Variants in NDUFA10 observed in about 807,000 individuals in gnomAD.
NDUFA10 encodes the protein NADH:ubiquinone oxidoreductase subunit A10, also known as NADH dehydrogenase [ubiquinone] 1 alpha subcomplex subunit 10, mitochondrial.
A neutral mutation model predicts 47.8 loss-of-function variants in NDUFA10; 40 were observed. That is an observed-to-expected ratio of 0.84 (90% CI 0.65 to 1.09). The LOEUF is 1.09. NDUFA10 is among the 50% of genes least tolerant of loss of function. The pLI is 0.00. For missense variants in NDUFA10, 413 were observed against 451.1 expected (o/e 0.92, Z 0.76); for synonymous variants, 183 against 172.2 (o/e 1.06, Z -0.49).
chr2:240,017,942 A>T (rs746361495), intron 4 of NDUFA10: 3 of 1,518,326 alleles, frequency 2.0e-6, no homozygotes, highest in Non-Finnish European at 1.8e-6. Flanking sequence ...ACTGTCCACC[A>T]GGCCTATTCA....
intron 4 of NDUFA10, among the ~76,000 whole-genome samples, chr2:239,904,968 CTTA>C (rs1364501060): frequency 1.3e-5 from 2 of 152,222 alleles, no homozygotes; most frequent in African/African-American, 4.8e-5. Flanking sequence ...TCTTCCGCCT[CTTA>C]TATAGACACC....
intron 4 of NDUFA10, among the ~76,000 whole-genome samples, chr2:239,935,898 T>A (rs1044034911): frequency 6.6e-6 from 1 of 152,242 alleles, no homozygotes; most frequent in African/African-American, 2.4e-5. Flanking sequence ...ATACCCGGTC[T>A]TGACCGGGTA....
intron 9 of NDUFA10, among the ~76,000 whole-genome samples, chr2:239,975,826 G>A (rs936561603): frequency 4.6e-5 from 7 of 152,066 alleles, no homozygotes; most frequent in Non-Finnish European, 1.0e-4. Flanking sequence ...TGGATCAAGC[G>A]TCCACACTTC....
chr2:239,916,265 G>C (rs574081113), intron 4 of NDUFA10, among the ~76,000 whole-genome samples: 1 of 129,638 alleles, frequency 7.7e-6, no homozygotes, highest in Non-Finnish European at 1.6e-5. Flanking sequence ...CACACACACA[G>C]AACACACACA....
chr2:240,022,489 T>C (rs1039123335), intron 1 of NDUFA10, 149 bp from the exon 2 acceptor site: 2 of 1,250,148 alleles, frequency 1.6e-6, no homozygotes, highest in East Asian at 2.5e-5. Context: ...TGTTTAATTA[T>C]CTGTCTATCC....
chr2:240,014,013 G>T (rs528838215), intron 5 of NDUFA10: 1 of 152,286 alleles, frequency 6.6e-6, no homozygotes, highest in Non-Finnish European at 1.5e-5. Flanking sequence ...GAACCCGGGA[G>T]GCGGAGCTTG....
At position 240,020,972 on chromosome 2, in the gene NDUFA10, T is replaced by C. The variant is rs866798722; in HGVS notation, c.460+225A>G. On this transcript the variant is annotated intron_variant, in intron 3 of 9. Transcript: ENST00000252711. ...TTAAAGTAGTGCCTTGAGAATTCTA[T>C]ACAATCCATAAATCTCACTCCAGTA... 1.2e-4 allele frequency: 70 copies of C among 604,562 alleles called. No individual in the cohort carries two copies. The African/African-American group carries it at 1.2e-3, about 10-fold the overall frequency. 37.4% of individuals were successfully genotyped at this position (604,562 alleles called of 1,614,324 possible).
chr2:239,925,790 A>G (rs529684464), intron 4 of NDUFA10, among the ~76,000 whole-genome samples: 19 of 152,230 alleles, frequency 1.2e-4, no homozygotes, highest in Non-Finnish European at 1.5e-4. Flanking sequence ...TGAAATACAT[A>G]AAGAAGGTCT....
chr2:239,973,433 TA>T (rs1695380104), intron 9 of NDUFA10: 1 of 447,366 alleles, frequency 2.2e-6, no homozygotes. Flanking sequence ...ATCTCTGTTT[TA>T]AAAAATGGTA....
rs543122766 is a variant in NDUFA10 at position 239,919,942 on chromosome 2, T to C, written c.295-24628A>G. Among the ~76,000 whole-genome samples, 243 of 152,284 alleles carry C rather than the reference T, an allele frequency of 1.6e-3. 1 individual carries two copies. Among genetic ancestry groups the C allele is most frequent in the Non-Finnish European group, 1.7e-3 (117 of 68,016 alleles). Reference sequence around the variant, plus strand: ...CCCTGCCTACGCCAGTCCTTCCCCATCAGGATAGCCACGGTCCAAGGCCTG... The same window carrying C: ...CCCTGCCTACGCCAGTCCTTCCCCACCAGGATAGCCACGGTCCAAGGCCTG... On this transcript the variant is annotated intron_variant, in intron 4 of 5. Coordinates refer to the NDUFA10 transcript ENST00000419408.
chr2:239,943,966 C>T (rs1299352389), intron 4 of NDUFA10, among the ~76,000 whole-genome samples: 1 of 152,160 alleles, frequency 6.6e-6, no homozygotes, highest in Non-Finnish European at 1.5e-5. Context: ...GGGGGCAGTG[C>T]CTGTCCCGAG....
At chr2:240,011,889 C>T (rs1188501424) in intron 5 of NDUFA10, 193 bp from the exon 6 acceptor site, 2 of 627,520 alleles carry the variant, frequency 3.2e-6, no homozygotes, top group East Asian at 5.8e-5. Flanking sequence ...CTACAGTGAA[C>T]ACCTGAGCCT....
intron 9 of NDUFA10, among the ~76,000 whole-genome samples, chr2:239,977,853 C>T (rs1695591035): frequency 3.3e-5 from 5 of 152,210 alleles, no homozygotes; most frequent in Admixed American, 3.3e-4. Context: ...CTGGCTTTCT[C>T]AGCTACGCTC....
At chr2:239,924,542 A>C (rs1285409814) in intron 4 of NDUFA10, among the ~76,000 whole-genome samples, 1 of 152,142 alleles carries the variant, frequency 6.6e-6, no homozygotes, top group Non-Finnish European at 1.5e-5. Flanking sequence ...AAACAGGTAG[A>C]GAGAGGAACT....
intron 8 of NDUFA10, among the ~76,000 whole-genome samples, chr2:240,003,569 C>T (rs1229488252): frequency 5.9e-5 from 9 of 152,236 alleles, no homozygotes; most frequent in Admixed American, 5.9e-4. Context: ...TGCATTTTCA[C>T]AAGTCAAAGA....
intron 9 of NDUFA10, among the ~76,000 whole-genome samples, chr2:239,980,018 T>TA (rs1695706567): frequency 1.3e-5 from 2 of 151,932 alleles, no homozygotes; most frequent in South Asian, 4.2e-4. Flanking sequence ...CCTGCTCCCC[T>TA]ACACCCCCAC....
At chr2:239,955,923 G>A (rs184653490), downstream of NDUFA10, among the ~76,000 whole-genome samples, 20 of 152,276 alleles carry the variant, frequency 1.3e-4, no homozygotes, top group South Asian at 8.3e-4. Context: ...CAGAGACGGC[G>A]CAGGCTCTGT....
intron 8 of NDUFA10, among the ~76,000 whole-genome samples, chr2:239,997,156 A>G (rs1234325584): frequency 6.6e-6 from 1 of 152,094 alleles, no homozygotes; most frequent in African/African-American, 2.4e-5. Context: ...GGCTGACTAT[A>G]TTAGAAAAGA....
At chr2:239,905,461 C>T (rs1195570473) in intron 4 of NDUFA10, among the ~76,000 whole-genome samples, 3 of 152,224 alleles carry the variant, frequency 2.0e-5, no homozygotes, top group South Asian at 2.1e-4. Context: ...GCAGGGCATG[C>T]GTATGTGTGT....
Sources: gnomAD v4.1 joint callset for allele counts (sites outside exome capture counted in the v4.1 genomes callset) on GRCh38, gnomAD v4.1.1 for gene constraint, MANE v1.5 for transcripts, NCBI Gene and HGNC (gene_info 2026-07-23, HGNC 2026-07-21) for gene names.